SNTB1: variants seen among roughly 807,000 people sequenced by gnomAD.
SNTB1 encodes the protein syntrophin beta 1.
A neutral mutation model predicts 48.9 loss-of-function variants in SNTB1; 36 were observed. The observed-to-expected ratio is 0.74, with a 90% confidence interval of 0.56 to 0.97. The LOEUF (loss-of-function observed/expected upper bound fraction) is 0.97, where lower values mean the gene tolerates loss of function less well. Among genes scored for constraint, SNTB1 ranks in the 50% least tolerant of loss-of-function variants. The pLI is 0.00. For missense variants in SNTB1, 786 were observed against 703.4 expected (o/e 1.12, Z -1.33); for synonymous variants, 299 against 294.6 (o/e 1.01, Z -0.15).
intron 1 of SNTB1, among the ~76,000 whole-genome samples, chr8:120,695,571 C>T (rs1003028023): frequency 6.6e-6 from 1 of 152,022 alleles, no homozygotes; most frequent in African/African-American, 2.4e-5. Context: ...CAAACTACGG[C>T]ACAAAGTAGA....
At chr8:120,602,010 A>C (rs1816429462) in intron 3 of SNTB1, among the ~76,000 whole-genome samples, 1 of 152,244 alleles carries the variant, frequency 6.6e-6, no homozygotes, top group Non-Finnish European at 1.5e-5. Flanking sequence ...AACAAAAAAC[A>C]AAAACAAACA....
At chr8:120,704,693 A>C (rs966192839) in intron 1 of SNTB1, among the ~76,000 whole-genome samples, 1 of 152,206 alleles carries the variant, frequency 6.6e-6, no homozygotes, top group Admixed American at 6.5e-5. Context: ...GATGAGGTAC[A>C]TAATAGGTGT....
chr8:120,699,817 A>G (rs1818274994), intron 1 of SNTB1, among the ~76,000 whole-genome samples: 1 of 152,214 alleles, frequency 6.6e-6, no homozygotes. Flanking sequence ...GAAAATGAAG[A>G]GAATAAATAT....
At chr8:120,770,056 ACT>A (rs1182638860) in intron 1 of SNTB1, among the ~76,000 whole-genome samples, 2 of 152,178 alleles carry the variant, frequency 1.3e-5, no homozygotes, top group African/African-American at 4.8e-5. Flanking sequence ...GTAACCAGCC[ACT>A]ATATTTTCTG....
At chr8:120,790,845 C>G (rs1025460504) in intron 1 of SNTB1, among the ~76,000 whole-genome samples, 14 of 151,772 alleles carry the variant, frequency 9.2e-5, no homozygotes, top group Non-Finnish European at 1.8e-4. Flanking sequence ...AATTCAATTT[C>G]TATCAAAATG....
intron 3 of SNTB1, among the ~76,000 whole-genome samples, chr8:120,603,605 A>G (rs1388322014): frequency 6.6e-6 from 1 of 152,178 alleles, no homozygotes; most frequent in African/African-American, 2.4e-5. Flanking sequence ...GAGTCCAGCA[A>G]TCTATGTTCC....
chr8:120,709,558 T>C (rs1479238704), intron 1 of SNTB1, among the ~76,000 whole-genome samples: 1 of 152,196 alleles, frequency 6.6e-6, no homozygotes, highest in Non-Finnish European at 1.5e-5. Context: ...GGGTTTTACA[T>C]AGATTACATC....
chr8:120,641,149 G>C (rs1249324638), intron 2 of SNTB1, among the ~76,000 whole-genome samples: 2 of 152,108 alleles, frequency 1.3e-5, no homozygotes, highest in East Asian at 1.9e-4. Flanking sequence ...AAAGAAATGG[G>C]TAATAAATCT....
At chr8:120,554,716 G>A (rs926992039) in intron 4 of SNTB1, among the ~76,000 whole-genome samples, 1 of 152,180 alleles carries the variant, frequency 6.6e-6, no homozygotes, top group Non-Finnish European at 1.5e-5. Flanking sequence ...GCAGGCTATA[G>A]CTATGGAGTA....
chr8:120,645,157 CTTTAG>C (rs1014863729), intron 2 of SNTB1, among the ~76,000 whole-genome samples: 57 of 152,026 alleles, frequency 3.7e-4, no homozygotes, highest in African/African-American at 1.3e-3. Flanking sequence ...TGCAGAAGCT[CTTTAG>C]TTTAATCAGA....
At chr8:120,583,560 C>CACAAAAAAAA (rs1466831833) in intron 3 of SNTB1, among the ~76,000 whole-genome samples, 8 of 134,712 alleles carry the variant, frequency 5.9e-5, no homozygotes, top group African/African-American at 2.2e-4. Flanking sequence ...CACACACACA[C>CACAAAAAAAA]AAAACTGGAA....
intron 3 of SNTB1, among the ~76,000 whole-genome samples, chr8:120,591,386 C>T (rs1266475860): frequency 6.6e-6 from 1 of 152,006 alleles, no homozygotes; most frequent in Non-Finnish European, 1.5e-5. Flanking sequence ...CACCTTTTTC[C>T]TCTATCCATG....
chr8:120,670,578 A>T (rs1817742932), intron 2 of SNTB1, among the ~76,000 whole-genome samples: 1 of 152,234 alleles, frequency 6.6e-6, no homozygotes, highest in South Asian at 2.1e-4. Context: ...GGTGTCAAAT[A>T]ACCTATTTCT....
In SNTB1 at chr8:120,612,235, C is replaced by A. The variant is rs559953494; in HGVS notation, c.996+20209G>T. On this transcript the variant is annotated intron_variant, in intron 3 of 6. Transcript: ENST00000517992. ...GATCTTATAATATCAGATGTTATAA[C>A]AAGCACTTTGCATGTATTATATCAT... 2.6e-5 allele frequency among the ~76,000 whole-genome samples: 4 copies of A among 152,312 alleles called. No homozygotes were observed. The East Asian group carries it at 7.7e-4, about 29-fold the overall frequency.
Position 120,625,411 on chromosome 8 carries a change from G to A in SNTB1, c.996+7033C>T, listed in dbSNP as rs1226696393. Among the ~76,000 whole-genome samples the A allele has an allele frequency of 3.9e-5, 6 of 152,170 alleles. No homozygotes were observed. The East Asian group carries it at 1.2e-3, about 29-fold the overall frequency. On this transcript the variant is annotated intron_variant, in intron 3 of 6. Transcript: ENST00000517992. ...GCAGCTCTGATGTTTCCACTTTGGT[G>A]AGAACAATTCACTTTACTAAATTCA...
chr8:120,649,609 G>T, intron 2 of SNTB1, among the ~76,000 whole-genome samples: 4 of 143,336 alleles, frequency 2.8e-5, no homozygotes, highest in South Asian at 2.4e-4. Context: ...AGAGGTTACT[G>T]CTGTCTTTTT....
rs1282315087 is a variant in SNTB1 at position 120,681,330 on chromosome 8, AGACAGGCACAACAT to A, written c.788+12348_788+12361del. 5.9e-5 allele frequency among the ~76,000 whole-genome samples: 9 copies of A among 152,330 alleles called. No homozygotes were observed. In the East Asian group the frequency reaches 1.5e-3, roughly 26 times the overall value. The stretch of plus-strand genomic sequence containing the variant: ...GGAGGTCTAAACTCACAGGAGAACA[AGACAGGCACAACAT>A]GTTTGGAGGACAGACAGCGATGGAG... On this transcript the variant is annotated intron_variant, in intron 2 of 6. Coordinates refer to ENST00000517992, the MANE Select transcript of SNTB1 (RefSeq NM_021021.4).
intron 1 of SNTB1, among the ~76,000 whole-genome samples, chr8:120,734,712 T>C (rs1818913746): frequency 6.6e-6 from 1 of 152,204 alleles, no homozygotes; most frequent in Non-Finnish European, 1.5e-5. Flanking sequence ...TGATGCATGC[T>C]GAAACACAGC....
chr8:120,583,370 G>A (rs1377754022), intron 3 of SNTB1, among the ~76,000 whole-genome samples: 1 of 151,992 alleles, frequency 6.6e-6, no homozygotes, highest in Non-Finnish European at 1.5e-5. Flanking sequence ...GCCAGGCGTG[G>A]TGGTGGGTGC....
Sources: allele counts gnomAD v4.1 joint callset (sites outside exome capture counted in the v4.1 genomes callset), GRCh38; gene constraint gnomAD v4.1.1; transcripts MANE v1.5; gene names NCBI Gene and HGNC (gene_info 2026-07-23, HGNC 2026-07-21).